Variants in MROH1 observed in about 807,000 individuals in gnomAD.
MROH1 encodes the protein maestro heat-like repeat-containing protein family member 1.
A neutral mutation model predicts 116.5 loss-of-function variants in MROH1; 117 were observed. The ratio of observed to expected loss-of-function variants is 1.00; its 90% CI spans 0.86 to 1.17. The LOEUF (loss-of-function observed/expected upper bound fraction) is 1.17. Ranked by LOEUF, MROH1 falls within the 50% of genes most tolerant of loss-of-function variation. The pLI, the probability that MROH1 is intolerant of heterozygous loss-of-function variation, is 0.00. For synonymous variants in MROH1, 921 were observed against 583.9 expected, an observed-to-expected ratio of 1.58 and a Z score of -8.32; for missense variants, 1,873 against 1,338.5, an observed-to-expected ratio of 1.40 and a Z score of -6.23.
At position 144,177,311 on chromosome 8, in the gene MROH1, G is replaced by A. The variant is rs527451026; in HGVS notation, c.169-2144G>A. Among the ~76,000 whole-genome samples the A allele has an allele frequency of 2.4e-4, 36 of 152,336 alleles. 1 individual carries two copies. The South Asian group carries it at 7.3e-3, about 31-fold the overall frequency. The stretch of plus-strand genomic sequence containing the variant: ...GCACGTGTATGTGGGCCTGGGAGCT[G>A]CCTGGCGCTGCCCCGTCACTGGCAC... On this transcript the variant is annotated intron_variant, in intron 4 of 43. Transcript: ENST00000326134.
chr8:144,191,002 C>T (rs1033479779), intron 8 of MROH1, 67 bp downstream of exon 8: 59 of 1,519,504 alleles, frequency 3.9e-5, no homozygotes, highest in African/African-American at 5.5e-5. Context: ...ATTCCCTGCC[C>T]GTGGCAAATT....
rs1165164431 is a variant in MROH1 at position 144,234,498 on chromosome 8, G to GTT, written c.1339-4223_1339-4222dup. Among the ~76,000 whole-genome samples, 11 of 18,102 alleles carry GTT rather than the reference G, an allele frequency of 6.1e-4. 5 individuals are homozygous for GTT. Among genetic ancestry groups the GTT allele is most frequent in the East Asian group, 2.7e-3 (2 of 744 alleles). The allele number at this position is 18,102 out of a possible 152,430, so 11.9% of individuals were successfully genotyped here. ...AATGGAATTATTTTCTTTCTTTTTC[G>GTT]TTTTTTTTTTTTTTTTTTTTTTTTT... is the stretch of plus-strand genomic sequence containing the variant. On this transcript the variant is annotated intron_variant, in intron 14 of 43. Coordinates refer to ENST00000326134, the MANE Select transcript of MROH1 (RefSeq NM_032450.3).
At chr8:144,222,617 G>A (rs144699755) in intron 13 of MROH1, among the ~76,000 whole-genome samples, 10 of 152,142 alleles carry the variant, frequency 6.6e-5, no homozygotes, top group African/African-American at 2.4e-4. Flanking sequence ...TATAGGTATG[G>A]GTGTTGGTGC....
At chr8:144,196,954 C>T (rs1454798665) in intron 10 of MROH1, among the ~76,000 whole-genome samples, 2 of 100,806 alleles carry the variant, frequency 2.0e-5, no homozygotes, top group East Asian at 3.2e-4. Flanking sequence ...ATTAGCCAGG[C>T]GTGGTGGCAC....
At chr8:144,248,726 A>G in intron 31 of MROH1, 151 bp from the exon 32 acceptor site, 1 of 669,074 alleles carries the variant, frequency 1.5e-6, no homozygotes, top group Non-Finnish European at 2.7e-6. Context: ...CAGCGAGCTC[A>G]TTGAAGGCGC....
At chr8:144,195,248 T>TC (rs1829589896) in intron 10 of MROH1, among the ~76,000 whole-genome samples, 1 of 127,562 alleles carries the variant, frequency 7.8e-6, no homozygotes, top group South Asian at 2.8e-4. Context: ...ATGCCTGTAA[T>TC]CCCAGCACTT....
intron 3 of MROH1, 74 bp from the exon 4 acceptor site, chr8:144,168,221 C>A: frequency 6.8e-7 from 1 of 1,466,566 alleles, no homozygotes; most frequent in Non-Finnish European, 9.0e-7. Context: ...GTGTCCACTG[C>A]AGGAGTGGCA....
In MROH1 at chr8:144,180,049, G is replaced by A. The variant is rs139508773; in HGVS notation, c.301-129G>A. 3.4e-5 allele frequency: 40 copies of A among 1,191,508 alleles called. No individual in the cohort carries two copies. The African/African-American group carries it at 3.8e-4, about 11-fold the overall frequency. 73.8% of individuals were successfully genotyped at this position (1,191,508 alleles called of 1,614,324 possible). A position where few individuals can be genotyped will look rare whatever the true frequency, so the allele number is the denominator to read the frequency against. On this transcript the variant is annotated intron_variant, in intron 5 of 43. Coordinates refer to ENST00000326134, the MANE Select transcript of MROH1 (RefSeq NM_032450.3). The surrounding 1 kb of genome is among the most constrained non-coding windows in gnomAD (Gnocchi z 7.4). Reference sequence around the variant, plus strand: ...CCCCTCAGCAGAGGAGGCTGTGCCCGCCACCTTCCCTGACCTGCACTTTCT... The same window carrying A: ...CCCCTCAGCAGAGGAGGCTGTGCCCACCACCTTCCCTGACCTGCACTTTCT...
chr8:144,175,343 G>GC, intron 4 of MROH1: 1 of 412,706 alleles, frequency 2.4e-6, no homozygotes, highest in Non-Finnish European at 3.2e-6. Context: ...CACCTGAGCT[G>GC]CCCCTCCCCC....
intron 3 of MROH1, among the ~76,000 whole-genome samples, chr8:144,167,374 G>A (rs527354285): frequency 7.1e-6 from 1 of 141,788 alleles, no homozygotes; most frequent in Non-Finnish European, 1.5e-5. Flanking sequence ...CAGATGTGGG[G>A]TGGAGTGGCC....
intron 3 of MROH1, among the ~76,000 whole-genome samples, chr8:144,165,358 A>G (rs1324670195): frequency 6.6e-6 from 1 of 151,946 alleles, no homozygotes; most frequent in Non-Finnish European, 1.5e-5. Flanking sequence ...ACCTCAGGTG[A>G]TCCATCTACC....
intron 3 of MROH1, among the ~76,000 whole-genome samples, chr8:144,166,846 C>T (rs556589927): frequency 6.6e-5 from 10 of 152,254 alleles, no homozygotes; most frequent in South Asian, 2.1e-4. Flanking sequence ...CGGCCACAGC[C>T]GGAAAAGCAG....
At chr8:144,260,534 AGCCCCCACCCGTAAG>A (rs1223426514) in intron 39 of MROH1, 128 bp from the exon 40 acceptor site, 100 of 739,760 alleles carry the variant, frequency 1.4e-4, no homozygotes, top group South Asian at 4.3e-4. Context: ...TGGGCCTGGC[AGCCCCCACCCGTAAG>A]GCCCCCACCC....
rs1170411401 is a variant in MROH1, at chr8:144,261,099, C to A, written c.4672-15C>A. 3.9e-6 allele frequency: 3 copies of A among 775,416 alleles called. No homozygotes were observed. Among genetic ancestry groups the A allele is most frequent in the Non-Finnish European group, 7.2e-6 (3 of 417,648 alleles). 48.0% of individuals were successfully genotyped at this position (775,416 alleles called of 1,614,324 possible). A position where few individuals can be genotyped will look rare whatever the true frequency, so the allele number is the denominator to read the frequency against. On this transcript the variant is annotated splice_polypyrimidine_tract_variant and intron_variant, in intron 41 of 43. Coordinates refer to ENST00000326134, the MANE Select transcript of MROH1 (RefSeq NM_032450.3). ...TGGGGCGGGGCCAGGCGGCACTGAC[C>A]AGGCCTCTCCCCAGATGCACCATTT...
intron 12 of MROH1, 40 bp downstream of exon 12, chr8:144,200,581 A>G: frequency 7.2e-7 from 1 of 1,388,284 alleles, no homozygotes; most frequent in African/African-American, 1.4e-5. Flanking sequence ...ACCCCTGGCC[A>G]TGTCCAGGAT....
rs1393622819 is a variant in MROH1, at chr8:144,260,188, G to A, written c.4194G>A (p.Val1398=). The part of the protein sequence containing the change: ...ANLASGCPDK[V]RTHGPQLLTA... ...GGCTGAGTGTAAGGTATCCTCAGGT[G>A]CGAACCCACGGCCCCCAGCTCCTCA... Residue 1398 remains valine (V), a splice_region_variant and synonymous_variant, in exon 39 of 44, where the codon GTG becomes GTA. Coordinates refer to ENST00000326134, the MANE Select transcript of MROH1 (RefSeq NM_032450.3). The A allele has an allele frequency of 5.2e-6, 4 of 764,736 alleles. No homozygotes were observed. The highest frequency in any genetic ancestry group is 9.6e-6 in the Non-Finnish European group (4 of 417,572). 47.4% of individuals were successfully genotyped at this position (764,736 alleles called of 1,614,324 possible). A position where few individuals can be genotyped will look rare whatever the true frequency, so the allele number is the denominator to read the frequency against.
At chr8:144,208,717 C>CT (rs918624960) in intron 12 of MROH1, among the ~76,000 whole-genome samples, 20 of 149,528 alleles carry the variant, frequency 1.3e-4, no homozygotes, top group Admixed American at 3.3e-4. Flanking sequence ...CAATATCACA[C>CT]TTTTTTTTTT....
chr8:144,167,552 T>TG (rs1283245482), intron 3 of MROH1, among the ~76,000 whole-genome samples: 1 of 140,522 alleles, frequency 7.1e-6, no homozygotes, highest in Non-Finnish European at 1.6e-5. Flanking sequence ...GGCCAGTTGT[T>TG]GGGTGGAGTG....
chr8:144,240,286 C>A, intron 19 of MROH1, 133 bp downstream of exon 19: 1 of 636,188 alleles, frequency 1.6e-6, no homozygotes, highest in South Asian at 1.9e-5. Context: ...GATCAGGCAG[C>A]ATCAAGGCTG....
Sources: allele counts gnomAD v4.1 joint callset (sites outside exome capture counted in the v4.1 genomes callset), GRCh38; gene constraint gnomAD v4.1.1; non-coding constraint Gnocchi (gnomAD v3.1); transcripts MANE v1.5; gene names NCBI Gene and HGNC (gene_info 2026-07-23, HGNC 2026-07-21).